The following CRYBG3 variants were observed in gnomAD, a reference collection of about 807,000 sequenced individuals.
CRYBG3 encodes the protein very large A-kinase anchor protein.
A neutral mutation model predicts 244.2 loss-of-function variants in CRYBG3; 127 were observed. The observed-to-expected ratio is 0.52, with a 90% confidence interval of 0.45 to 0.60. CRYBG3 has a LOEUF of 0.60. CRYBG3 is among the 20% of genes least tolerant of loss of function. The pLI is 0.00. For missense variants in CRYBG3, 3,325 were observed against 3,442.5 expected (o/e 0.97, Z 0.85); for synonymous variants, 1,132 against 1,195.8 (o/e 0.95, Z 1.10).
intron 2 of CRYBG3, among the ~76,000 whole-genome samples, chr3:97,855,573 A>G (rs1411000573): frequency 6.6e-6 from 1 of 152,086 alleles, no homozygotes; most frequent in Non-Finnish European, 1.5e-5. Flanking sequence ...GGTAGCTTGT[A>G]TATGTCCAGG....
rs753869457 is a variant in CRYBG3 at position 97,889,369 on chromosome 3, G to A, written c.7419G>A (p.Val2473=). The A allele has an allele frequency of 1.2e-5, 20 of 1,609,116 alleles. No individual in the cohort carries two copies. The highest frequency in any genetic ancestry group is 6.7e-5 in the African/African-American group (5 of 74,780). The part of the protein sequence containing the change: ...LHPLQMGGLK[V]EMPMNLKVII... ...GTCATCTTAAGGGTGGACTGAAAGT[G>A]GAAATGCCCATGAACTTAAAGGTAA... is the stretch of plus-strand genomic sequence containing the variant. Residue 2473 remains valine (V), a synonymous_variant, in exon 10 of 22, where the codon GTG becomes GTA. Coordinates refer to ENST00000389622, the MANE Select transcript of CRYBG3 (RefSeq NM_153605.4).
chr3:97,828,552 C>T (rs1019279544), intron 1 of CRYBG3, among the ~76,000 whole-genome samples: 1 of 148,028 alleles, frequency 6.8e-6, no homozygotes, highest in South Asian at 2.1e-4. Context: ...AAAAGCCGGG[C>T]GTGGTGGCTC....
rs1290124014 is a variant in CRYBG3 at position 97,876,379 on chromosome 3, G to A, written c.5185G>A (p.Ala1729Thr). 8.1e-7 allele frequency: 1 copy of A among 1,232,124 alleles called. No individual in the cohort carries two copies. Among genetic ancestry groups the A allele is most frequent in the Non-Finnish European group, 1.0e-6 (1 of 987,974 alleles). 76.3% of individuals were successfully genotyped at this position (1,232,124 alleles called of 1,614,324 possible). A position where few individuals can be genotyped will look rare whatever the true frequency, so the allele number is the denominator to read the frequency against. Residue 1729 changes from alanine (A) to threonine (T), a missense_variant, in exon 4 of 22, where the codon GCT (alanine) becomes ACT (threonine). By Grantham distance (58) the Ala-to-Thr change is moderately conservative. Transcript: ENST00000389622. Reference protein sequence around the residue: ...QKDAEGDIGKAEVMPVRLEME... With the variant: ...QKDAEGDIGKTEVMPVRLEME... Reference sequence around the variant, plus strand: ...GGATGCTGAAGGGGATATTGGAAAGGCTGAAGTGATGCCTGTGAGGTTAGA... The same window carrying A: ...GGATGCTGAAGGGGATATTGGAAAGACTGAAGTGATGCCTGTGAGGTTAGA...
rs775298084 is a variant in CRYBG3, at chr3:97,943,298, A to T, written c.8897A>T (p.Asp2966Val). 6.4e-7 allele frequency: 1 copy of T among 1,569,660 alleles called. No homozygotes were observed. The highest frequency in any genetic ancestry group is 1.1e-5 in the South Asian group (1 of 89,674). The change falls in exon 22 of 22, where the codon GAC (aspartate) becomes GTC (valine). Residue 2966 changes from aspartate to valine, a missense_variant. Coordinates refer to ENST00000389622, the MANE Select transcript of CRYBG3 (RefSeq NM_153605.4). Reference sequence around the variant, plus strand: ...GAGGGAGAAGAAACACAGAAATGGGACATTGAAATATTGTGAGAGAATCAA... The same window carrying T: ...GAGGGAGAAGAAACACAGAAATGGGTCATTGAAATATTGTGAGAGAATCAA... ...PLEGEETQKWDIEIL is the reference protein window; with the variant it reads ...PLEGEETQKWVIEIL
chr3:97,931,090 G>A (rs376787646), intron 17 of CRYBG3, among the ~76,000 whole-genome samples: 2 of 151,886 alleles, frequency 1.3e-5, no homozygotes, highest in South Asian at 2.1e-4. Flanking sequence ...CCACTACCCC[G>A]TTTCCCTCCT....
chr3:97,884,585 A>C (rs987410417), intron 7 of CRYBG3, among the ~76,000 whole-genome samples: 5 of 152,182 alleles, frequency 3.3e-5, no homozygotes, highest in African/African-American at 1.2e-4. Flanking sequence ...GTATACAAGG[A>C]AGCCATATAA....
At chr3:97,878,727 T>A (rs1266384769) in intron 4 of CRYBG3, among the ~76,000 whole-genome samples, 1 of 152,240 alleles carries the variant, frequency 6.6e-6, no homozygotes, top group Non-Finnish European at 1.5e-5. Flanking sequence ...TTAAGTAAAA[T>A]TTTTAAGTAT....
chr3:97,843,913 A>G (rs2038859383), intron 2 of CRYBG3, among the ~76,000 whole-genome samples: 2 of 152,140 alleles, frequency 1.3e-5, no homozygotes, highest in South Asian at 2.1e-4. Flanking sequence ...TTTGGTAGCT[A>G]TCCCACAATC....
Position 97,825,557 on chromosome 3 carries a change from G to A in CRYBG3, c.149+3202G>A, listed in dbSNP as rs577660756. 3.9e-5 allele frequency among the ~76,000 whole-genome samples: 6 copies of A among 152,334 alleles called. No homozygotes were observed. The South Asian group carries it at 1.0e-3, about 26-fold the overall frequency. On this transcript the variant is annotated intron_variant, in intron 1 of 21. Coordinates refer to ENST00000389622, the MANE Select transcript of CRYBG3 (RefSeq NM_153605.4). The stretch of plus-strand genomic sequence containing the variant: ...TTTGGGAGAGTGCTCAGTGATGGAT[G>A]CTATGGGCGTTTTGAATGGAACAAT...
intron 1 of CRYBG3, among the ~76,000 whole-genome samples, chr3:97,823,066 C>T (rs930078325): frequency 1.3e-5 from 2 of 152,136 alleles, no homozygotes; most frequent in African/African-American, 4.8e-5. Context: ...GTCTTGGTTT[C>T]AGTAATCAAA....
chr3:97,940,255 G>A (rs760529871), intron 19 of CRYBG3, among the ~76,000 whole-genome samples: 7 of 151,896 alleles, frequency 4.6e-5, no homozygotes, highest in Admixed American at 1.3e-4. Flanking sequence ...TTTGGAATTC[G>A]TCTCTTATTC....
At chr3:97,870,199 T>C (rs902835906) in intron 3 of CRYBG3, among the ~76,000 whole-genome samples, 62 of 152,102 alleles carry the variant, frequency 4.1e-4, no homozygotes, top group African/African-American at 1.4e-3. Flanking sequence ...TGGAGATAAA[T>C]TGCATGTTGT....
chr3:97,897,625 A>T (rs1206543584), intron 12 of CRYBG3, among the ~76,000 whole-genome samples: 1 of 152,110 alleles, frequency 6.6e-6, no homozygotes, highest in Non-Finnish European at 1.5e-5. Flanking sequence ...ACTCTTAATT[A>T]TATTTAATAT....
chr3:97,879,602 C>A, intron 4 of CRYBG3, 102 bp from the exon 5 acceptor site: 1 of 757,526 alleles, frequency 1.3e-6, no homozygotes, highest in South Asian at 2.0e-5. Context: ...TGATCACTAA[C>A]TAAATATGTG....
chr3:97,936,633 C>T (rs2040166419), intron 18 of CRYBG3, 152 bp from the exon 19 acceptor site: 3 of 697,190 alleles, frequency 4.3e-6, no homozygotes, highest in South Asian at 5.3e-5. Context: ...TTCTCCTATA[C>T]CTCCCTGATT....
At chr3:97,878,090 G>A (rs535249141) in intron 4 of CRYBG3, 53 bp downstream of exon 4, 62 of 1,442,350 alleles carry the variant, frequency 4.3e-5, no homozygotes, top group Admixed American at 2.0e-4. Flanking sequence ...TTTGGGTCAC[G>A]AAATTATCTA....
intron 17 of CRYBG3, among the ~76,000 whole-genome samples, chr3:97,917,868 C>T (rs1297861384): frequency 6.6e-6 from 1 of 152,142 alleles, no homozygotes; most frequent in South Asian, 2.1e-4. Context: ...CCCAGTTGCT[C>T]ACACCCTCCA....
At chr3:97,859,204 G>A (rs892085855) in intron 2 of CRYBG3, among the ~76,000 whole-genome samples, 1 of 152,134 alleles carries the variant, frequency 6.6e-6, no homozygotes, top group Non-Finnish European at 1.5e-5. Flanking sequence ...TGAGTGGTGT[G>A]TGTATGCCAT....
In CRYBG3 at chr3:97,896,027, A is replaced by G; in HGVS notation, c.7643A>G (p.Asp2548Gly). 2 of 1,613,268 alleles carry G rather than the reference A, an allele frequency of 1.2e-6. No individual in the cohort carries two copies. Among genetic ancestry groups the G allele is most frequent in the Non-Finnish European group, 8.5e-7 (1 of 1,179,518 alleles). Residue 2548 changes from aspartate to glycine, a missense_variant, in exon 12 of 22, where the codon GAC (aspartate) becomes GGC (glycine). Asp to Gly is a moderately conservative substitution (Grantham distance 94). This residue lies in a region of CRYBG3 where 714 missense variants were observed against 803.6 expected (regional missense o/e 0.89). Transcript: ENST00000389622. Reference sequence around the variant, plus strand: ...CTGCTTGAAGAAGGAGACTTTGAAGACAGTAATGCTTGTGGTGCATTAAGT... The same window carrying G: ...CTGCTTGAAGAAGGAGACTTTGAAGGCAGTAATGCTTGTGGTGCATTAAGT... The part of the protein sequence containing the change: ...QFLLEEGDFE[D>G]SNACGALSSP...
Sources: allele counts gnomAD v4.1 joint callset (sites outside exome capture counted in the v4.1 genomes callset), GRCh38; gene constraint gnomAD v4.1.1; regional missense constraint gnomAD v4.1.1; transcripts MANE v1.5; gene names NCBI Gene and HGNC (gene_info 2026-07-23, HGNC 2026-07-21).